SLC25A42: variants seen among roughly 807,000 people sequenced by gnomAD.
SLC25A42 encodes solute carrier family 25 member 42.
In SLC25A42, 19 loss-of-function variants were observed where a neutral mutation model predicts 34.7. The ratio of observed to expected loss-of-function variants is 0.55; its 90% CI spans 0.38 to 0.80. The LOEUF (loss-of-function observed/expected upper bound fraction) is 0.80, where lower values mean the gene tolerates loss of function less well. Among genes scored for constraint, SLC25A42 ranks in the 30% least tolerant of loss-of-function variants. SLC25A42 has a pLI of 0.00. For synonymous variants in SLC25A42, 205 were observed against 191.2 expected (o/e 1.07, Z -0.59); for missense variants, 364 against 441.3 (o/e 0.82, Z 1.57).
At chr19:19,104,579 T>C (rs1470772610) in intron 3 of SLC25A42, among the ~76,000 whole-genome samples, 1 of 152,172 alleles carries the variant, frequency 6.6e-6, no homozygotes, top group East Asian at 1.9e-4. Flanking sequence ...ACCCCACATG[T>C]AGACCCCTGC....
chr19:19,071,857 A>G (rs1474671824), intron 1 of SLC25A42, among the ~76,000 whole-genome samples: 1 of 151,692 alleles, frequency 6.6e-6, no homozygotes, highest in Non-Finnish European at 1.5e-5. Context: ...CAAAGCGAGA[A>G]TCCGTCTCAA....
intron 7 of SLC25A42, among the ~76,000 whole-genome samples, chr19:19,108,461 A>T (rs553725563): frequency 6.6e-6 from 1 of 152,014 alleles, no homozygotes; most frequent in Non-Finnish European, 1.5e-5. Context: ...CGGTGGGAGG[A>T]TCACCCAAGC....
chr19:19,068,405 G>A (rs573841753), intron 1 of SLC25A42, among the ~76,000 whole-genome samples: 1 of 145,352 alleles, frequency 6.9e-6, no homozygotes, highest in Admixed American at 6.9e-5. Context: ...GGTGGCTCAC[G>A]CCTTTCATCC....
Position 19,072,981 on chromosome 19 carries a change from G to T in SLC25A42, c.-35+8866G>T, listed in dbSNP as rs117956991. 3.0e-3 allele frequency among the ~76,000 whole-genome samples: 454 copies of T among 152,346 alleles called. 1 individual carries two copies. Among genetic ancestry groups the T allele is most frequent in the Non-Finnish European group, 5.6e-3 (381 of 68,036 alleles). ...GGCCTCCCAAAGTGCTGGGATTACAGGTGTGACCCACTGTATGTGGCCTAT... is the reference window on the plus strand; with the variant it reads ...GGCCTCCCAAAGTGCTGGGATTACATGTGTGACCCACTGTATGTGGCCTAT... On this transcript the variant is annotated intron_variant, in intron 1 of 7. Coordinates refer to ENST00000318596, the MANE Select transcript of SLC25A42 (RefSeq NM_178526.5).
chr19:19,110,546 C>T (rs910150649), intron 7 of SLC25A42, 23 bp from the exon 8 acceptor site: 37 of 1,379,240 alleles, frequency 2.7e-5, no homozygotes, highest in Non-Finnish European at 3.3e-5. Flanking sequence ...GCCTTCACGG[C>T]CCTCCCGCCC....
chr19:19,093,554 C>T (rs1211926535), intron 1 of SLC25A42, among the ~76,000 whole-genome samples: 1 of 152,226 alleles, frequency 6.6e-6, no homozygotes, highest in Non-Finnish European at 1.5e-5. Flanking sequence ...TTAGTCCTCA[C>T]ATCTCCTTAG....
At chr19:19,070,295 A>AC (rs2059622730) in intron 1 of SLC25A42, among the ~76,000 whole-genome samples, 1 of 104,786 alleles carries the variant, frequency 9.5e-6, no homozygotes, top group South Asian at 3.3e-4. Flanking sequence ...CTGCCTGGCC[A>AC]TTTTTTTTTT....
chr19:19,067,000 C>T (rs10405609), intron 1 of SLC25A42, among the ~76,000 whole-genome samples: 3,269 of 131,534 alleles, frequency 0.025, 126 homozygotes, highest in African/African-American at 0.09. Context: ...CCAGCCTGGA[C>T]GACAGAGCTA....
Position 19,101,745 on chromosome 19 carries a change from CT to C in SLC25A42, c.82-35del, listed in dbSNP as rs771824176. On this transcript the variant is annotated intron_variant, in intron 2 of 7. Coordinates refer to ENST00000318596, the MANE Select transcript of SLC25A42 (RefSeq NM_178526.5). ...CAAGGTCCTCTGCGGAGCCGCCCCC[CT>C]GCCCTCTGACCTCTGATCACATGTT... The C allele has an allele frequency of 5.7e-6, 9 of 1,580,586 alleles. No homozygotes were observed. In the East Asian group the frequency reaches 1.6e-4, roughly 28 times the overall value.
chr19:19,091,416 C>T (rs1275588270), intron 1 of SLC25A42, among the ~76,000 whole-genome samples: 1 of 152,036 alleles, frequency 6.6e-6, no homozygotes, highest in Non-Finnish European at 1.5e-5. Flanking sequence ...CAAGATTGCA[C>T]CACTGCACTC....
intron 1 of SLC25A42, among the ~76,000 whole-genome samples, chr19:19,072,827 C>T (rs566055204): frequency 5.3e-5 from 8 of 151,592 alleles, no homozygotes; most frequent in East Asian, 2.0e-4. Flanking sequence ...TATAAGTGTG[C>T]GCCACCATAC....
intron 1 of SLC25A42, among the ~76,000 whole-genome samples, chr19:19,069,762 C>T (rs2059619653): frequency 6.6e-6 from 1 of 152,040 alleles, no homozygotes; most frequent in Non-Finnish European, 1.5e-5. Flanking sequence ...TTAAGTGATT[C>T]TCCCGCTTCA....
intron 1 of SLC25A42, among the ~76,000 whole-genome samples, chr19:19,084,057 T>A (rs1443291911): frequency 3.4e-5 from 2 of 58,316 alleles, no homozygotes; most frequent in African/African-American, 6.9e-5. Context: ...CACACCTGAC[T>A]GCACCCCACC....
rs1026065072 is a variant in SLC25A42 at position 19,111,738 on chromosome 19, C to G, written c.*862C>G. 6.6e-6 allele frequency: 1 copy of G among 152,430 alleles called. No individual in the cohort carries two copies. The highest frequency in any genetic ancestry group is 2.1e-4 in the South Asian group (1 of 4,838). The allele number at this position is 152,430 out of a possible 1,614,324, so 9.4% of individuals were successfully genotyped here. ...CACCTCCTTTGGCCCAGAAGCCCCCCAGGCCTAGCATCTCAGTGCCCCAAC... is the reference window on the plus strand; with the variant it reads ...CACCTCCTTTGGCCCAGAAGCCCCCGAGGCCTAGCATCTCAGTGCCCCAAC... On this transcript the variant is annotated 3_prime_UTR_variant, in exon 8 of 8. Transcript: ENST00000318596.
chr19:19,104,828 C>A, intron 3 of SLC25A42, 85 bp from the exon 4 acceptor site: 1 of 1,479,186 alleles, frequency 6.8e-7, no homozygotes, highest in Non-Finnish European at 9.4e-7. Flanking sequence ...GGTGACTCTG[C>A]TAGTGGGTGC....
chr19:19,101,994 T>C, intron 3 of SLC25A42, 108 bp downstream of exon 3: 1 of 710,664 alleles, frequency 1.4e-6, no homozygotes, highest in Non-Finnish European at 2.3e-6. Context: ...AGATTTATTT[T>C]AGAAATAAGG....
Position 19,111,246 on chromosome 19 carries a change from G to T in SLC25A42, c.*370G>T. 1 of 291,462 alleles carries T rather than the reference G, an allele frequency of 3.4e-6. No individual in the cohort carries two copies. The highest frequency in any genetic ancestry group is 6.5e-6 in the Non-Finnish European group (1 of 153,484). The allele number at this position is 291,462 out of a possible 1,614,324, so 18.1% of individuals were successfully genotyped here. A position where few individuals can be genotyped will look rare whatever the true frequency, so the allele number is the denominator to read the frequency against. On this transcript the variant is annotated 3_prime_UTR_variant, in exon 8 of 8. Coordinates refer to ENST00000318596, the MANE Select transcript of SLC25A42 (RefSeq NM_178526.5). ...ATTCTAGTGACCCCTGTCCCCACCA[G>T]GCTCAGAGCCAGACCGCGCCTGGAC...
chr19:19,101,819 G>A lies in SLC25A42; in HGVS notation c.120G>A (p.Gly40=). 1 of 1,613,858 alleles carries A rather than the reference G, an allele frequency of 6.2e-7. No individual in the cohort carries two copies. Among genetic ancestry groups the A allele is most frequent in the Non-Finnish European group, 8.5e-7 (1 of 1,179,886 alleles). The change falls in exon 3 of 8, where the codon GGG becomes GGA. Residue 40 remains glycine, a synonymous_variant. Coordinates refer to ENST00000318596, the MANE Select transcript of SLC25A42 (RefSeq NM_178526.5). Reference sequence around the variant, plus strand: ...AAGTGCTCAGCTCCCTGCTGTCTGGGGCCCTGGCTGGTGCCCTTGCCAAAA... The same window carrying A: ...AAGTGCTCAGCTCCCTGCTGTCTGGAGCCCTGGCTGGTGCCCTTGCCAAAA... ...HRQVLSSLLS[G]ALAGALAKTA...
rs766626353 is a variant in SLC25A42, at chr19:19,108,020, T to C, written c.624T>C (p.Tyr208=). Residue 208 remains tyrosine, a synonymous_variant, in exon 7 of 8, where the codon TAT becomes TAC. Coordinates refer to ENST00000318596, the MANE Select transcript of SLC25A42 (RefSeq NM_178526.5). Reference sequence around the variant, plus strand: ...ACGCTGGCCTGAGCTTCTTCACCTATGAGACGCTCAAGAGCTTGCACAGAG... The same window carrying C: ...ACGCTGGCCTGAGCTTCTTCACCTACGAGACGCTCAAGAGCTTGCACAGAG... ...IPYAGLSFFT[Y]ETLKSLHREY... The C allele has an allele frequency of 1.2e-6, 2 of 1,601,746 alleles. No individual in the cohort carries two copies. Among genetic ancestry groups the C allele is most frequent in the African/African-American group, 2.7e-5 (2 of 74,604 alleles).
Sources: allele counts gnomAD v4.1 joint callset (sites outside exome capture counted in the v4.1 genomes callset), GRCh38; gene constraint gnomAD v4.1.1; transcripts MANE v1.5; gene names NCBI Gene and HGNC (gene_info 2026-07-23, HGNC 2026-07-21).